The following GMPPA variants were observed in gnomAD, a reference collection of about 807,000 sequenced individuals.
The protein encoded by GMPPA is mannose-1-phosphate guanylyltransferase regulatory subunit alpha.
GMPPA carries 46 observed loss-of-function variants against 58.6 expected under a neutral mutation model. That is an observed-to-expected ratio of 0.78 (90% confidence interval 0.62 to 1.00). GMPPA has a LOEUF of 1.00. Ranked by LOEUF, GMPPA falls within the 50% of genes least tolerant of loss-of-function variation. GMPPA has a pLI of 0.00. For synonymous variants in GMPPA, 211 were observed against 214.9 expected (o/e 0.98, Z 0.16); for missense variants, 468 against 556.4 (o/e 0.84, Z 1.60).
intron 3 of GMPPA, 53 bp downstream of exon 3, chr2:219,500,271 G>C: frequency 9.2e-6 from 9 of 980,622 alleles, no homozygotes; most frequent in East Asian, 2.6e-5. Context: ...TCTTCATGCT[G>C]TTTCCCCCTT....
chr2:219,502,783 G>C lies in GMPPA; in HGVS notation c.489+342G>C, dbSNP rs1295051608. ...TCCCATTTGTCTAGATGACAAAGGA[G>C]ACAGGAAGGTACTACAGGCAGAGGG... is the stretch of plus-strand genomic sequence containing the variant. On this transcript the variant is annotated intron_variant, in intron 6 of 12. Coordinates refer to ENST00000313597, the MANE Select transcript of GMPPA (RefSeq NM_013335.4). The surrounding 1 kb of genome is among the most constrained non-coding windows in gnomAD (Gnocchi z 4.0). Among the ~76,000 whole-genome samples, 1 of 152,124 alleles carries C rather than the reference G, an allele frequency of 6.6e-6. No individual in the cohort carries two copies. The highest frequency in any genetic ancestry group is 1.5e-5 in the Non-Finnish European group (1 of 68,020).
rs13428617 is a variant in GMPPA, at chr2:219,506,024, G to A, written c.945G>A (p.Glu315=). Residue 315 remains glutamate (E), a synonymous_variant, in exon 11 of 13, where the codon GAG becomes GAA. Coordinates refer to ENST00000313597, the MANE Select transcript of GMPPA (RefSeq NM_013335.4). ...TCGGGAAGGGGGTGACCGTGGGTGAGGGTGTGCGGCTCCGGGAGAGCATCG... is the reference window on the plus strand; with the variant it reads ...TCGGGAAGGGGGTGACCGTGGGTGAAGGTGTGCGGCTCCGGGAGAGCATCG... ...VSIGKGVTVG[E]GVRLRESIVL... 3.9e-3 allele frequency: 6,148 copies of A among 1,596,340 alleles called. 214 individuals are homozygous for A. The African/African-American group carries it at 0.071, about 19-fold the overall frequency.
At chr2:219,501,709 A>G (rs886652257) in intron 4 of GMPPA, 130 bp downstream of exon 4, 18 of 906,708 alleles carry the variant, frequency 2.0e-5, no homozygotes, top group African/African-American at 8.3e-5. Flanking sequence ...TTGGACATCA[A>G]TGAATCTCTG....
chr2:219,506,726 GCTC>G lies in GMPPA; in HGVS notation c.1192_1194del (p.Leu398del), dbSNP rs1193926291. ...GCCGAGTCCGGATCCCTGCCGAGGT[GCTC>G]ATCCTGAACTCGATTGTTCTGCCAC... is the stretch of plus-strand genomic sequence containing the variant. On this transcript the variant is annotated inframe_deletion, in exon 13 of 13. Transcript: ENST00000313597. 6.2e-7 allele frequency: 1 copy of G among 1,605,892 alleles called. No homozygotes were observed.
chr2:219,502,488 T>A lies in GMPPA; in HGVS notation c.489+47T>A. Reference sequence around the variant, plus strand: ...GGTGGGTGCCTACTCTGTGTCATCATCCCCTCTACCTCAGGCCTCTAGAGA... The same window carrying A: ...GGTGGGTGCCTACTCTGTGTCATCAACCCCTCTACCTCAGGCCTCTAGAGA... On this transcript the variant is annotated intron_variant, in intron 6 of 12. Transcript: ENST00000313597. The surrounding 1 kb of genome is among the most constrained non-coding windows in gnomAD (Gnocchi z 4.0). 6.8e-7 allele frequency: 1 copy of A among 1,467,394 alleles called. No individual in the cohort carries two copies. The highest frequency in any genetic ancestry group is 1.7e-5 in the Admixed American group (1 of 59,150). 90.9% of individuals were successfully genotyped at this position (1,467,394 alleles called of 1,614,324 possible). A position where few individuals can be genotyped will look rare whatever the true frequency, so the allele number is the denominator to read the frequency against.
intron 7 of GMPPA, 182 bp from the exon 8 acceptor site, chr2:219,505,046 C>T: frequency 1.2e-6 from 1 of 833,682 alleles, no homozygotes; most frequent in South Asian, 2.0e-5. Context: ...CAAGTGGGGG[C>T]TGGGTGGGAG....
At chr2:219,506,505 C>A in intron 12 of GMPPA, 83 bp downstream of exon 12, 1 of 1,361,818 alleles carries the variant, frequency 7.3e-7, no homozygotes, top group Non-Finnish European at 1.0e-6. Flanking sequence ...CCTCTGTGTG[C>A]ACGCGTGTTT....
In GMPPA at chr2:219,500,111, CCT is replaced by C; in HGVS notation, c.41-6_41-5del. ...AGGAGGCCGAAATGTTCTCCTCTCT[CCT>C]CTCCCAGGAACTCGCTTCAGACCTT... On this transcript the variant is annotated splice_region_variant and splice_polypyrimidine_tract_variant and intron_variant, in intron 2 of 12. Transcript: ENST00000313597. The C allele has an allele frequency of 1.2e-6, 2 of 1,606,230 alleles. No individual in the cohort carries two copies. The highest frequency in any genetic ancestry group is 1.7e-6 in the Non-Finnish European group (2 of 1,174,404).
chr2:219,500,411 TC>T, intron 3 of GMPPA, 193 bp downstream of exon 3: 1 of 598,960 alleles, frequency 1.7e-6, no homozygotes, highest in Non-Finnish European at 3.0e-6. Flanking sequence ...TAGTTTCTCA[TC>T]TGGCCTCTTC....
chr2:219,499,485 T>G (rs1694314233), intron 1 of GMPPA, among the ~76,000 whole-genome samples: 1 of 152,116 alleles, frequency 6.6e-6, no homozygotes, highest in Non-Finnish European at 1.5e-5. Flanking sequence ...GCTTCAGTAT[T>G]TTGAGGTTTG....
intron 4 of GMPPA, 100 bp downstream of exon 4, chr2:219,501,679 C>T: frequency 3.2e-6 from 3 of 936,188 alleles, no homozygotes; most frequent in Non-Finnish European, 3.5e-6. Flanking sequence ...TTCATCCTCG[C>T]CTACTAGAAG....
chr2:219,501,104 G>T (rs1259512663), intron 3 of GMPPA: 1 of 183,088 alleles, frequency 5.5e-6, no homozygotes, highest in Admixed American at 5.7e-5. Flanking sequence ...TGTAGTCCTA[G>T]CTGCTCTAGA....
chr2:219,504,280 C>G (rs1467489560), intron 7 of GMPPA, 67 bp downstream of exon 7: 3 of 1,464,910 alleles, frequency 2.0e-6, no homozygotes, highest in Non-Finnish European at 2.8e-6. Flanking sequence ...ACATACCAGT[C>G]TCTGCAGGCT....
chr2:219,505,598 A>G, intron 9 of GMPPA, 43 bp downstream of exon 9: 2 of 1,570,490 alleles, frequency 1.3e-6, no homozygotes, highest in South Asian at 2.3e-5. Flanking sequence ...CTTCCACCCC[A>G]GCCCTCTGAA....
At chr2:219,506,208 CT>C in intron 11 of GMPPA, 45 bp from the exon 12 acceptor site, 1 of 1,563,080 alleles carries the variant, frequency 6.4e-7, no homozygotes, top group Non-Finnish European at 8.7e-7. Context: ...CCGGTTCCTG[CT>C]GCCTCCTGCC....
intron 3 of GMPPA, 43 bp downstream of exon 3, chr2:219,500,261 T>C (rs1475722761): frequency 9.5e-7 from 1 of 1,056,046 alleles, no homozygotes; most frequent in South Asian, 1.3e-5. Context: ...TTCCTGCTTA[T>C]CTTCATGCTG....
intron 4 of GMPPA, 83 bp from the exon 5 acceptor site, chr2:219,501,768 C>A: frequency 8.1e-7 from 1 of 1,241,476 alleles, no homozygotes; most frequent in Non-Finnish European, 1.2e-6. Context: ...GTCCTGGGAG[C>A]AAGCGGTGGC....
At position 219,505,358 on chromosome 2, in the gene GMPPA, G is replaced by T. The variant is rs200875359; in HGVS notation, c.751G>T (p.Ala251Ser). The T allele has an allele frequency of 1.2e-6, 2 of 1,613,632 alleles. No homozygotes were observed. Among genetic ancestry groups the T allele is most frequent in the East Asian group, 2.2e-5 (1 of 44,878 alleles). ...TDGIWSQIKSAGSALYASRLY... is the reference protein window; with the variant it reads ...TDGIWSQIKSSGSALYASRLY... Reference sequence around the variant, plus strand: ...TGGTATCTGGAGTCAGATCAAGTCCGCAGGGTATGGAAGGCTGGGTCCCCT... The same window carrying T: ...TGGTATCTGGAGTCAGATCAAGTCCTCAGGGTATGGAAGGCTGGGTCCCCT... The change falls in exon 8 of 13, where the codon GCA becomes TCA. Residue 251 changes from alanine to serine, a missense_variant. Ala to Ser is a moderately conservative substitution (Grantham distance 99, BLOSUM62 1). Coordinates refer to ENST00000313597, the MANE Select transcript of GMPPA (RefSeq NM_013335.4).
chr2:219,500,376 G>T (rs1694348716), intron 3 of GMPPA, 158 bp downstream of exon 3: 8 of 623,450 alleles, frequency 1.3e-5, no homozygotes, highest in Non-Finnish European at 2.3e-5. Context: ...ATGCTGTGCA[G>T]CTGCCCTGCT....
Sources: allele counts gnomAD v4.1 joint callset (sites outside exome capture counted in the v4.1 genomes callset), GRCh38; gene constraint gnomAD v4.1.1; non-coding constraint Gnocchi (gnomAD v3.1); transcripts MANE v1.5; gene names NCBI Gene and HGNC (gene_info 2026-07-23, HGNC 2026-07-21).